Variants in AUTS2 observed in about 807,000 individuals in gnomAD.
AUTS2 encodes autism susceptibility gene 2 protein.
AUTS2 carries 17 observed loss-of-function variants against 112.4 expected under a neutral mutation model. That is an observed-to-expected ratio of 0.15 (90% confidence interval 0.10 to 0.23). AUTS2 has a LOEUF of 0.23. Among genes scored for constraint, AUTS2 ranks in the 10% least tolerant of loss-of-function variants. AUTS2 has a pLI of 1.00. For missense variants in AUTS2, 1,510 were observed against 1,701.6 expected (o/e 0.89, Z 1.98); for synonymous variants, 751 against 702.7 (o/e 1.07, Z -1.09).
chr7:70,448,532 C>T (rs114628476), intron 5 of AUTS2, among the ~76,000 whole-genome samples: 7 of 152,320 alleles, frequency 4.6e-5, no homozygotes, highest in African/African-American at 1.7e-4. Context: ...CTTAGTTTCT[C>T]CTCTAGCCTT....
chr7:70,548,109 G>T (rs1013601017), intron 5 of AUTS2, among the ~76,000 whole-genome samples: 1 of 151,930 alleles, frequency 6.6e-6, no homozygotes, highest in Admixed American at 6.6e-5. Context: ...TTGCATTTCC[G>T]TATACATTTT....
At chr7:69,717,675 T>C (rs925409988) in intron 1 of AUTS2, among the ~76,000 whole-genome samples, 8 of 152,190 alleles carry the variant, frequency 5.3e-5, no homozygotes. Flanking sequence ...TTGTGCTTTG[T>C]GAAGGGGGTG....
rs1194243330 is a variant in AUTS2, at chr7:70,627,916, CA to C, written c.691-70649del. Among the ~76,000 whole-genome samples the C allele has an allele frequency of 2.0e-5, 3 of 152,104 alleles. No individual in the cohort carries two copies. The East Asian group carries it at 5.8e-4, about 29-fold the overall frequency. ...GAAACAGGCCCCTGTGTAGAGTCAT[CA>C]AAAGAGACTTTCTGAAGGTGATATT... On this transcript the variant is annotated intron_variant, in intron 5 of 18. Coordinates refer to ENST00000342771, the MANE Select transcript of AUTS2 (RefSeq NM_015570.4).
chr7:70,085,234 G>T (rs1237938233), intron 2 of AUTS2, among the ~76,000 whole-genome samples: 1 of 152,020 alleles, frequency 6.6e-6, no homozygotes, highest in African/African-American at 2.4e-5. Context: ...TACATACCAA[G>T]GATACAGGGT....
At chr7:70,579,565 C>T (rs1029712049) in intron 5 of AUTS2, among the ~76,000 whole-genome samples, 4 of 152,136 alleles carry the variant, frequency 2.6e-5, no homozygotes, top group African/African-American at 9.7e-5. Flanking sequence ...ATTCCATCTC[C>T]TTCAATGCTG....
At position 70,764,986 on chromosome 7, in the gene AUTS2, G is replaced by T. The variant is rs377507477; in HGVS notation, c.1449G>T (p.Pro483=). The T allele has an allele frequency of 8.1e-6, 13 of 1,612,752 alleles. No homozygotes were observed. Among genetic ancestry groups the T allele is most frequent in the Non-Finnish European group, 9.3e-6 (11 of 1,179,906 alleles). Residue 483 remains proline, a synonymous_variant, in exon 8 of 19, where the codon CCG becomes CCT. Coordinates refer to ENST00000342771, the MANE Select transcript of AUTS2 (RefSeq NM_015570.4). ...GAAGTCTGCAGGTGGCCGGACACCC[G>T]GCCGGGAGCACTTACTCAGGTAGGA... ...TSGSLQVAGH[P]AGSTYSEQDI...
chr7:70,578,468 T>C (rs1802275845), intron 5 of AUTS2, among the ~76,000 whole-genome samples: 1 of 152,264 alleles, frequency 6.6e-6, no homozygotes, highest in Admixed American at 6.5e-5. Flanking sequence ...GAGGTGGCAC[T>C]AGAAATCACG....
chr7:69,852,750 G>T (rs1281109435), intron 1 of AUTS2, among the ~76,000 whole-genome samples: 4 of 152,114 alleles, frequency 2.6e-5, no homozygotes, highest in African/African-American at 9.7e-5. Flanking sequence ...ACCGTGCCCG[G>T]CCCCTGCTTT....
intron 5 of AUTS2, among the ~76,000 whole-genome samples, chr7:70,636,154 C>T (rs1805523690): frequency 6.6e-6 from 1 of 152,194 alleles, no homozygotes; most frequent in Non-Finnish European, 1.5e-5. Flanking sequence ...AGCACCATTG[C>T]AGAGAGGCAT....
intron 5 of AUTS2, among the ~76,000 whole-genome samples, chr7:70,617,536 G>A (rs1023014991): frequency 3.9e-5 from 6 of 152,026 alleles, no homozygotes; most frequent in Admixed American, 2.0e-4. Flanking sequence ...GGTGGCGGGC[G>A]CCTGTAGTCC....
chr7:70,589,195 G>A (rs972091469), intron 5 of AUTS2, among the ~76,000 whole-genome samples: 2 of 152,232 alleles, frequency 1.3e-5, no homozygotes, highest in Non-Finnish European at 2.9e-5. Flanking sequence ...TGCGAGACAT[G>A]AGTGGGGCAA....
intron 5 of AUTS2, among the ~76,000 whole-genome samples, chr7:70,649,931 A>G (rs1351893640): frequency 1.3e-5 from 2 of 152,174 alleles, no homozygotes; most frequent in Admixed American, 6.5e-5. Flanking sequence ...TAGAATGTGG[A>G]CAGCCAAGAC....
intron 5 of AUTS2, among the ~76,000 whole-genome samples, chr7:70,511,819 G>T (rs149062997): frequency 6.6e-6 from 1 of 151,580 alleles, no homozygotes; most frequent in Admixed American, 6.6e-5. Flanking sequence ...CAAGTGATCC[G>T]CCTTGCCTTG....
Position 69,678,636 on chromosome 7 carries a change from TGG to T in AUTS2, c.309+78677_309+78678del, listed in dbSNP as rs529237641. 9.9e-5 allele frequency among the ~76,000 whole-genome samples: 15 copies of T among 152,268 alleles called. 1 individual carries two copies. The South Asian group carries it at 3.1e-3, about 32-fold the overall frequency. ...ATTGTGGCCTTTATAAGGCTGTGCC[TGG>T]GGTTGTATTTCCAATCTCTCTCAAC... On this transcript the variant is annotated intron_variant, in intron 1 of 18. Coordinates refer to ENST00000342771, the MANE Select transcript of AUTS2 (RefSeq NM_015570.4).
chr7:70,670,058 C>T (rs1807555844), intron 5 of AUTS2, among the ~76,000 whole-genome samples: 2 of 152,190 alleles, frequency 1.3e-5, no homozygotes, highest in Admixed American at 6.5e-5. Context: ...TCACTGTAGG[C>T]GCACCTCAGG....
chr7:69,959,416 A>G (rs1366334725), intron 2 of AUTS2, among the ~76,000 whole-genome samples: 4 of 152,148 alleles, frequency 2.6e-5, no homozygotes, highest in Non-Finnish European at 5.9e-5. Context: ...GGAGTCAGAG[A>G]AGCTAAGTAA....
chr7:69,825,455 G>A (rs1019379116), intron 1 of AUTS2, among the ~76,000 whole-genome samples: 5 of 152,166 alleles, frequency 3.3e-5, no homozygotes, highest in African/African-American at 1.2e-4. Flanking sequence ...AAGAACCAGT[G>A]GCATGAGAAC....
chr7:70,735,615 CT>C (rs1428168037), intron 6 of AUTS2, among the ~76,000 whole-genome samples: 5 of 152,118 alleles, frequency 3.3e-5, no homozygotes, highest in Non-Finnish European at 7.4e-5. Context: ...CATCGGTAGC[CT>C]AAATGACTTT....
At chr7:70,669,321 CAG>C (rs1249590970) in intron 5 of AUTS2, among the ~76,000 whole-genome samples, 1 of 152,192 alleles carries the variant, frequency 6.6e-6, no homozygotes, top group Non-Finnish European at 1.5e-5. Flanking sequence ...TTTGTGGGAA[CAG>C]AACCCTGATT....
Sources: allele counts gnomAD v4.1 joint callset (sites outside exome capture counted in the v4.1 genomes callset), GRCh38; gene constraint gnomAD v4.1.1; transcripts MANE v1.5; gene names NCBI Gene and HGNC (gene_info 2026-07-23, HGNC 2026-07-21).